The following S100A8 variants were observed in gnomAD, a reference collection of about 807,000 sequenced individuals.
S100A8 encodes the protein S100 calcium binding protein A8.
S100A8 carries 1 observed loss-of-function variant against 4.2 expected under a neutral mutation model. The ratio of observed to expected loss-of-function variants is 0.24; its 90% CI spans 0.08 to 1.12. S100A8 has a LOEUF of 1.12. Ranked by LOEUF, S100A8 falls within the 50% of genes most tolerant of loss-of-function variation. The pLI is 0.53. For missense variants in S100A8, 96 were observed against 111.8 expected (o/e 0.86, Z 0.64); for synonymous variants, 41 against 44.7 (o/e 0.92, Z 0.33).
At chr1:153,412,662 C>T in the S100A8 span, among the ~76,000 whole-genome samples, 6 of 152,180 alleles carry the variant, frequency 3.9e-5, no homozygotes, top group African/African-American at 1.2e-4. Context: ...ATAAATCATG[C>T]TGCTATAAAG....
chr1:153,417,600 G>T, the S100A8 span, among the ~76,000 whole-genome samples: 394 of 152,306 alleles, frequency 2.6e-3, 2 homozygotes, highest in African/African-American at 9.1e-3. Context: ...CACGGTGTCT[G>T]GTTCCTGAAG....
At chr1:153,404,431 T>C in the S100A8 span, among the ~76,000 whole-genome samples, 1 of 151,894 alleles carries the variant, frequency 6.6e-6, no homozygotes, top group African/African-American at 2.4e-5. Flanking sequence ...GTCACCTCAT[T>C]AGCACACACT....
At chr1:153,412,472 C>T in the S100A8 span, among the ~76,000 whole-genome samples, 45 of 152,268 alleles carry the variant, frequency 3.0e-4, no homozygotes, top group African/African-American at 1.0e-3. Context: ...ATTAAAAAGT[C>T]AGGAAACAAC....
chr1:153,396,118 C>T, the S100A8 span, among the ~76,000 whole-genome samples: 45 of 152,340 alleles, frequency 3.0e-4, no homozygotes, highest in Middle Eastern at 0.014. Flanking sequence ...TCAGATAGGG[C>T]CCCCTGGAAT....
At chr1:153,402,302 A>T in the S100A8 span, among the ~76,000 whole-genome samples, 1 of 152,234 alleles carries the variant, frequency 6.6e-6, no homozygotes, top group African/African-American at 2.4e-5. Context: ...TGCTGGGGAC[A>T]CAGCTAGTAA....
the S100A8 span, among the ~76,000 whole-genome samples, chr1:153,417,751 G>C: frequency 6.6e-6 from 1 of 152,136 alleles, no homozygotes; most frequent in Admixed American, 6.5e-5. Context: ...AGGCTGGGGG[G>C]TCCCAGCTTA....
chr1:153,405,768 ACT>A, the S100A8 span, among the ~76,000 whole-genome samples: 1 of 151,102 alleles, frequency 6.6e-6, no homozygotes, highest in Non-Finnish European at 1.5e-5. Flanking sequence ...AGAGCCACCA[ACT>A]CTCTCTGTGT....
At chr1:153,415,718 G>T in the S100A8 span, among the ~76,000 whole-genome samples, 872 of 150,466 alleles carry the variant, frequency 5.8e-3, 8 homozygotes, top group African/African-American at 0.021. Flanking sequence ...TGGGGCGGGG[G>T]GGGCGGGGGT....
chr1:153,422,564 G>A, the S100A8 span: 1 of 983,892 alleles, frequency 1.0e-6, no homozygotes, highest in African/African-American at 1.7e-5. Flanking sequence ...ATGTTCCCCA[G>A]AAATTCTGAT....
chr1:153,390,372 C>G (rs147024535), intron 2 of S100A8, 23 bp downstream of exon 2: 1 of 1,612,984 alleles, frequency 6.2e-7, no homozygotes, highest in Non-Finnish European at 8.5e-7. Flanking sequence ...AGAGAGCCCC[C>G]GCCACACCCA....
the S100A8 span, among the ~76,000 whole-genome samples, chr1:153,416,954 A>G: frequency 3.3e-5 from 5 of 152,318 alleles, no homozygotes; most frequent in East Asian, 9.6e-4. Flanking sequence ...TCCCCTGTGA[A>G]TGCTTTGGAG....
At chr1:153,416,440 G>A in the S100A8 span, 24 of 325,724 alleles carry the variant, frequency 7.4e-5, no homozygotes, top group African/African-American at 8.9e-5. Flanking sequence ...AGAAACAGAT[G>A]ACAGAGGTGG....
the S100A8 span, chr1:153,419,626 G>T: frequency 2.7e-6 from 1 of 366,260 alleles, no homozygotes; most frequent in Non-Finnish European, 5.0e-6. Flanking sequence ...GAAGGCCCCT[G>T]CCAGGTCACA....
the S100A8 span, among the ~76,000 whole-genome samples, chr1:153,400,002 G>A: frequency 1.3e-5 from 2 of 152,126 alleles, no homozygotes; most frequent in Admixed American, 6.5e-5. Context: ...AGCTACAACT[G>A]TGACTTTATC....
chr1:153,411,067 T>C, the S100A8 span, among the ~76,000 whole-genome samples: 2 of 152,072 alleles, frequency 1.3e-5, no homozygotes, highest in Non-Finnish European at 2.9e-5. Context: ...TGAAAACTGG[T>C]GCAAGACAGG....
the S100A8 span, chr1:153,417,886 C>T: frequency 2.2e-3 from 1,564 of 726,862 alleles, 50 homozygotes; most frequent in East Asian, 0.041. Context: ...GGCCGGGTCT[C>T]AGACTTGGTC....
At chr1:153,422,286 G>A in the S100A8 span, 3 of 153,390 alleles carry the variant, frequency 2.0e-5, no homozygotes, top group African/African-American at 4.8e-5. Flanking sequence ...ATATTCCTTC[G>A]AAAGAGTGTC....
chr1:153,411,917 C>T, the S100A8 span, among the ~76,000 whole-genome samples: 1 of 152,172 alleles, frequency 6.6e-6, no homozygotes, highest in Non-Finnish European at 1.5e-5. Context: ...GCTGGGAAAA[C>T]TGGCTAACCC....
At chr1:153,418,162 T>A in the S100A8 span, 1 of 1,613,848 alleles carries the variant, frequency 6.2e-7, no homozygotes, top group Non-Finnish European at 8.5e-7. Flanking sequence ...GATGGCAAGA[T>A]TGAGAAGCCA....
Sources: allele counts gnomAD v4.1 joint callset (sites outside exome capture counted in the v4.1 genomes callset), GRCh38; gene constraint gnomAD v4.1.1; transcripts MANE v1.5; gene names NCBI Gene and HGNC (gene_info 2026-07-23, HGNC 2026-07-21).